AGPAT3: variants seen among roughly 807,000 people sequenced by gnomAD.
AGPAT3 encodes 1-acyl-sn-glycerol-3-phosphate acyltransferase gamma.
AGPAT3 carries 5 observed loss-of-function variants against 47.3 expected under a neutral mutation model. The ratio of observed to expected loss-of-function variants is 0.11; its 90% CI spans 0.06 to 0.22. The LOEUF is 0.22. Among genes scored for constraint, AGPAT3 ranks in the 10% least tolerant of loss-of-function variants. The pLI is 1.00. For synonymous variants in AGPAT3, 212 were observed against 208.3 expected, an observed-to-expected ratio of 1.02 and a Z score of -0.15; for missense variants, 315 against 493.0, an observed-to-expected ratio of 0.64 and a Z score of 3.42.
In AGPAT3 at chr21:43,906,908, G is replaced by C. The variant is rs371640546; in HGVS notation, c.-49+2889G>C. Among the ~76,000 whole-genome samples the C allele has an allele frequency of 7.2e-5, 11 of 152,340 alleles. 1 individual carries two copies. In the East Asian group the frequency reaches 1.5e-3, roughly 21 times the overall value. ...GGGTCAGCACATGTGCAAGGCCCTC[G>C]TAAGTGCAGCACAGAGACAGGCAGA... On this transcript the variant is annotated intron_variant, in intron 2 of 9. Coordinates refer to ENST00000291572, the MANE Select transcript of AGPAT3 (RefSeq NM_020132.5).
chr21:43,894,036 C>G (rs1228468385), intron 1 of AGPAT3, among the ~76,000 whole-genome samples: 1 of 152,178 alleles, frequency 6.6e-6, no homozygotes, highest in Non-Finnish European at 1.5e-5. Context: ...AACTCAGTAT[C>G]TGGAAGTGCA....
chr21:43,928,542 A>G (rs1490878849), intron 2 of AGPAT3, among the ~76,000 whole-genome samples: 2 of 152,188 alleles, frequency 1.3e-5, no homozygotes, highest in Non-Finnish European at 2.9e-5. Flanking sequence ...GGCTGCAGTG[A>G]TCCATGCAGT....
intron 1 of AGPAT3, among the ~76,000 whole-genome samples, chr21:43,890,254 C>T (rs899058213): frequency 2.6e-5 from 4 of 152,162 alleles, no homozygotes; most frequent in African/African-American, 9.7e-5. Flanking sequence ...CTTCCTGCTG[C>T]TCTGGCCCTG....
intron 8 of AGPAT3, among the ~76,000 whole-genome samples, chr21:43,980,275 C>CAAAAAAAA (rs1223637093): frequency 1.8e-5 from 1 of 54,630 alleles, no homozygotes; most frequent in Non-Finnish European, 3.7e-5. Context: ...GACTCCATCT[C>CAAAAAAAA]AAAAAAAAAA....
intron 2 of AGPAT3, among the ~76,000 whole-genome samples, chr21:43,943,272 C>T (rs912636561): frequency 3.3e-5 from 5 of 152,168 alleles, no homozygotes; most frequent in Non-Finnish European, 5.9e-5. Context: ...GACGGGGTTT[C>T]ACCGTGTTAG....
chr21:43,871,152 AAACAAAGT>A (rs1378285657), intron 1 of AGPAT3, among the ~76,000 whole-genome samples: 1 of 152,242 alleles, frequency 6.6e-6, no homozygotes, highest in Non-Finnish European at 1.5e-5. Flanking sequence ...TTATTTCTTG[AAACAAAGT>A]AACTGAACTA....
intron 2 of AGPAT3, among the ~76,000 whole-genome samples, chr21:43,916,607 TTC>T (rs2086736454): frequency 6.6e-6 from 1 of 152,070 alleles, no homozygotes; most frequent in African/African-American, 2.4e-5. Flanking sequence ...TCTGCTGAAT[TTC>T]TCTGTTTTAG....
At chr21:43,885,696 A>G (rs770823600) in intron 1 of AGPAT3, among the ~76,000 whole-genome samples, 12 of 152,196 alleles carry the variant, frequency 7.9e-5, no homozygotes, top group Non-Finnish European at 1.5e-4. Flanking sequence ...AGTTTCTTAT[A>G]TAAGCTGATT....
Position 43,920,941 on chromosome 21 carries a change from A to G in AGPAT3, c.-49+16922A>G, listed in dbSNP as rs896630246. 6.6e-6 allele frequency among the ~76,000 whole-genome samples: 1 copy of G among 152,142 alleles called. No individual in the cohort carries two copies. The highest frequency in any genetic ancestry group is 1.5e-5 in the Non-Finnish European group (1 of 68,012). On this transcript the variant is annotated intron_variant, in intron 2 of 9. Transcript: ENST00000291572. This position sits in a 1 kb window ranked among gnomAD's most constrained non-coding sequence, Gnocchi z 6.1. ...GAGATCAAGACCACGGTGAAACCCC[A>G]TATCTACTAAAAATACAAAAACTTA... is the stretch of plus-strand genomic sequence containing the variant.
At position 43,981,064 on chromosome 21, in the gene AGPAT3, A is replaced by T; in HGVS notation, c.919A>T (p.Thr307Ser). 6.2e-7 allele frequency: 1 copy of T among 1,613,950 alleles called. No individual in the cohort carries two copies. The highest frequency in any genetic ancestry group is 8.5e-7 in the Non-Finnish European group (1 of 1,179,966). ...GTTTAAGCCTGCCCGGAGGCCGTGG[A>T]CCCTCCTGAACTTCCTGTCCTGGGC... ...EQFKPARRPW[T>S]LLNFLSWATI... Residue 307 changes from threonine to serine, a missense_variant, in exon 9 of 10, where the codon ACC becomes TCC. Transcript: ENST00000291572. The surrounding 1 kb of genome is among the most constrained non-coding windows in gnomAD (Gnocchi z 5.3).
chr21:43,907,625 G>A (rs1230064121), intron 2 of AGPAT3, among the ~76,000 whole-genome samples: 3 of 152,200 alleles, frequency 2.0e-5, no homozygotes, highest in Non-Finnish European at 2.9e-5. Context: ...GCTGAGGCAG[G>A]AGAATGGCGT....
At chr21:43,909,292 ATTTTTTTTTTT>A (rs11365476) in intron 2 of AGPAT3, among the ~76,000 whole-genome samples, 1 of 102,304 alleles carries the variant, frequency 9.8e-6, no homozygotes, top group Non-Finnish European at 2.0e-5. Flanking sequence ...TTTCATACAC[ATTTTTTTTTTT>A]TTTTTTTTTT....
Position 43,985,359 on chromosome 21 carries a change from A to G in AGPAT3, c.*2967A>G, listed in dbSNP as rs1406307873. On this transcript the variant is annotated 3_prime_UTR_variant, in exon 10 of 10. Transcript: ENST00000291572. The stretch of plus-strand genomic sequence containing the variant: ...AGATGAGCGCTGAACAAATCACTAA[A>G]TAACACAAAACAACAATGTAAGCAG... The G allele has an allele frequency of 5.7e-6, 2 of 349,554 alleles. No homozygotes were observed. Among genetic ancestry groups the G allele is most frequent in the African/African-American group, 2.2e-5 (1 of 46,496 alleles). The allele number at this position is 349,554 out of a possible 1,614,324, so 21.7% of individuals were successfully genotyped here. A position where few individuals can be genotyped will look rare whatever the true frequency, so the allele number is the denominator to read the frequency against.
intron 8 of AGPAT3, among the ~76,000 whole-genome samples, chr21:43,979,307 AAAAAAAAAAGAAAG>A (rs1318578804): frequency 5.7e-4 from 84 of 147,136 alleles, no homozygotes; most frequent in South Asian, 1.1e-3. Context: ...TCAAAAAAAA[AAAAAAAAAAGAAAG>A]AAAAAAAAAG....
rs534167831 is a variant in AGPAT3, at chr21:43,952,669, C to T, written c.-48-6965C>T. On this transcript the variant is annotated intron_variant, in intron 2 of 9. Transcript: ENST00000291572. The surrounding 1 kb of genome is among the most constrained non-coding windows in gnomAD (Gnocchi z 5.6). ...ACCTAAATCTGTTGTTTAATGAAGACGCGCTGGCACCAAGCTTCTGGGCGA... is the reference window on the plus strand; with the variant it reads ...ACCTAAATCTGTTGTTTAATGAAGATGCGCTGGCACCAAGCTTCTGGGCGA... Among the ~76,000 whole-genome samples the T allele has an allele frequency of 5.9e-5, 9 of 152,170 alleles. No individual in the cohort carries two copies. Among genetic ancestry groups the T allele is most frequent in the Non-Finnish European group, 1.0e-4 (7 of 68,008 alleles).
At chr21:43,968,604 T>A (rs1042915405) in intron 4 of AGPAT3, among the ~76,000 whole-genome samples, 3 of 151,964 alleles carry the variant, frequency 2.0e-5, no homozygotes, top group African/African-American at 7.3e-5. Context: ...CTGGGGCGTC[T>A]CTTTGAGCTC....
intron 7 of AGPAT3, among the ~76,000 whole-genome samples, chr21:43,977,210 C>G (rs898715371): frequency 6.6e-6 from 1 of 152,060 alleles, no homozygotes; most frequent in Non-Finnish European, 1.5e-5. Flanking sequence ...AAATGAGTGT[C>G]CAGACAGAAA....
intron 2 of AGPAT3, among the ~76,000 whole-genome samples, chr21:43,923,332 A>G (rs768395519): frequency 3.3e-5 from 5 of 152,222 alleles, no homozygotes; most frequent in African/African-American, 4.8e-5. Context: ...GTCAGGATCT[A>G]TAGTTTAATA....
rs867631548 is a variant in AGPAT3, at chr21:43,865,583, G to A, written c.-112+238G>A. ...GGTCCTGTGCGCCCCCCGCAACCCC[G>A]GCCTCCCCGGCGGCCTGGTCCAGCG... On this transcript the variant is annotated intron_variant, in intron 1 of 9. Transcript: ENST00000291572. Among the ~76,000 whole-genome samples, 614 of 150,022 alleles carry A rather than the reference G, an allele frequency of 4.1e-3. 3 individuals carry two copies. The highest frequency in any genetic ancestry group is 0.013 in the African/African-American group (532 of 41,262).
Sources: gnomAD v4.1 joint callset for allele counts (sites outside exome capture counted in the v4.1 genomes callset) on GRCh38, gnomAD v4.1.1 for gene constraint, Gnocchi (gnomAD v3.1) non-coding constraint, MANE v1.5 for transcripts, NCBI Gene and HGNC (gene_info 2026-07-23, HGNC 2026-07-21) for gene names.